The following DLG2 variants were observed in gnomAD, a reference collection of about 807,000 sequenced individuals.
The protein encoded by DLG2 is disks large homolog 2.
In DLG2, 45 loss-of-function variants were observed where a neutral mutation model predicts 132.5. The observed-to-expected ratio is 0.34, with a 90% CI of 0.27 to 0.44. The LOEUF (loss-of-function observed/expected upper bound fraction) is 0.44. Among genes scored for constraint, DLG2 ranks in the 20% least tolerant of loss-of-function variants. The pLI, the probability that DLG2 is intolerant of heterozygous loss-of-function variation, is 1.00. For synonymous variants in DLG2, 424 were observed against 419.6 expected (o/e 1.01, Z -0.13); for missense variants, 1,045 against 1,196.9 (o/e 0.87, Z 1.87).
chr11:83,849,725 TG>T (rs1390206361), intron 16 of DLG2, among the ~76,000 whole-genome samples: 1 of 150,590 alleles, frequency 6.6e-6, no homozygotes, highest in African/African-American at 2.4e-5. Context: ...TTATGTGGTC[TG>T]GAAGTTTTAC....
intron 16 of DLG2, among the ~76,000 whole-genome samples, chr11:83,865,903 G>A (rs1245670356): frequency 6.6e-6 from 1 of 152,078 alleles, no homozygotes; most frequent in Non-Finnish European, 1.5e-5. Flanking sequence ...TCTGTGCTCT[G>A]CTCAGTCATA....
At chr11:84,278,056 T>G (rs2097801895) in intron 7 of DLG2, among the ~76,000 whole-genome samples, 1 of 147,266 alleles carries the variant, frequency 6.8e-6, no homozygotes, top group African/African-American at 2.5e-5. Flanking sequence ...AGTTTTTTTT[T>G]TTTTTTTTTT....
At chr11:83,929,463 C>T (rs576960313) in intron 15 of DLG2, among the ~76,000 whole-genome samples, 19 of 152,318 alleles carry the variant, frequency 1.2e-4, no homozygotes, top group African/African-American at 4.1e-4. Context: ...TTTCCTCTCT[C>T]TCCAACTCAG....
intron 18 of DLG2, among the ~76,000 whole-genome samples, chr11:83,776,872 T>C (rs2094601708): frequency 6.6e-6 from 1 of 152,234 alleles, no homozygotes; most frequent in African/African-American, 2.4e-5. Flanking sequence ...GTCAGAGCTT[T>C]TGTTTGTCTT....
rs139778042 is a variant in DLG2, at chr11:84,971,988, A to G, written c.357+139673T>C. Among the ~76,000 whole-genome samples, 393 of 152,278 alleles carry G rather than the reference A, an allele frequency of 2.6e-3. 1 individual carries two copies. Among genetic ancestry groups the G allele is most frequent in the African/African-American group, 8.9e-3 (369 of 41,560 alleles). On this transcript the variant is annotated intron_variant, in intron 6 of 27. Coordinates refer to ENST00000376104, the MANE Select transcript of DLG2 (RefSeq NM_001142699.3). ...CTGTATAGTAGCTCAGACAAACACT[A>G]AAAATAAACCTATGTTTAAGAGGAA...
chr11:83,866,798 C>G (rs941225495), intron 16 of DLG2, among the ~76,000 whole-genome samples: 6 of 152,106 alleles, frequency 3.9e-5, no homozygotes, highest in African/African-American at 1.4e-4. Context: ...GATTCTGTGG[C>G]AGCCCTACAA....
intron 17 of DLG2, among the ~76,000 whole-genome samples, chr11:83,829,797 G>C (rs1467925710): frequency 6.6e-6 from 1 of 151,752 alleles, no homozygotes; most frequent in Non-Finnish European, 1.5e-5. Flanking sequence ...TGCACAACAT[G>C]CAGGTTTGTT....
intron 6 of DLG2, among the ~76,000 whole-genome samples, chr11:85,107,685 A>G (rs1275389195): frequency 7.9e-5 from 12 of 152,024 alleles, no homozygotes; most frequent in Non-Finnish European, 1.5e-5. Context: ...CATACAAACC[A>G]ATGAGGCATA....
intron 18 of DLG2, among the ~76,000 whole-genome samples, chr11:83,766,555 A>G (rs1267262448): frequency 6.6e-6 from 1 of 152,062 alleles, no homozygotes; most frequent in Non-Finnish European, 1.5e-5. Context: ...TTATATTATC[A>G]GCAATTGAGG....
chr11:84,292,765 T>C (rs774782030), intron 7 of DLG2, among the ~76,000 whole-genome samples: 32 of 152,088 alleles, frequency 2.1e-4, no homozygotes, highest in Non-Finnish European at 1.3e-4. Flanking sequence ...TTCAGAAGAA[T>C]AAAGTACTTC....
At chr11:85,237,024 A>T (rs2075622646) in intron 4 of DLG2, among the ~76,000 whole-genome samples, 1 of 152,116 alleles carries the variant, frequency 6.6e-6, no homozygotes, top group African/African-American at 2.4e-5. Context: ...CAGAGCCCAC[A>T]GAAGCCAAGC....
intron 6 of DLG2, among the ~76,000 whole-genome samples, chr11:84,700,988 C>A (rs1021659378): frequency 4.6e-5 from 7 of 151,384 alleles, no homozygotes; most frequent in African/African-American, 1.7e-4. Context: ...TCTCTGCTTT[C>A]CATTCTGGCT....
intron 21 of DLG2, among the ~76,000 whole-genome samples, chr11:83,485,830 A>G (rs1232815261): frequency 2.0e-5 from 3 of 152,142 alleles, no homozygotes; most frequent in Non-Finnish European, 4.4e-5. Flanking sequence ...ACATTAAAGT[A>G]CTGAAATGTT....
chr11:84,852,550 T>A (rs1416148996), intron 6 of DLG2, among the ~76,000 whole-genome samples: 1 of 151,960 alleles, frequency 6.6e-6, no homozygotes, highest in African/African-American at 2.4e-5. Context: ...CATCTTTGAT[T>A]TAGAGAGTAA....
At chr11:84,715,344 C>T (rs187353058) in intron 6 of DLG2, among the ~76,000 whole-genome samples, 2 of 152,078 alleles carry the variant, frequency 1.3e-5, no homozygotes, top group African/African-American at 4.8e-5. Context: ...TTAACATACC[C>T]ATTATCTGTG....
intron 7 of DLG2, among the ~76,000 whole-genome samples, chr11:84,402,626 T>C: frequency 6.6e-6 from 1 of 151,612 alleles, no homozygotes; most frequent in Non-Finnish European, 1.5e-5. Context: ...CGCCTGTAAT[T>C]TTACCCAGCA....
intron 6 of DLG2, among the ~76,000 whole-genome samples, chr11:84,598,105 T>C (rs2099568023): frequency 2.0e-5 from 3 of 152,184 alleles, no homozygotes; most frequent in Admixed American, 1.3e-4. Context: ...AAGATAAGGT[T>C]TGGGGAGTAC....
intron 6 of DLG2, among the ~76,000 whole-genome samples, chr11:84,991,144 T>C (rs1419090781): frequency 6.6e-6 from 1 of 152,168 alleles, no homozygotes; most frequent in African/African-American, 2.4e-5. Flanking sequence ...ATTGCAAATT[T>C]GAAAAACAAA....
chr11:85,251,446 T>C (rs1202512136), intron 4 of DLG2, among the ~76,000 whole-genome samples: 1 of 152,174 alleles, frequency 6.6e-6, no homozygotes, highest in Admixed American at 6.5e-5. Context: ...CACAGATCTG[T>C]CACAATTACA....
Sources: gnomAD v4.1 joint callset for allele counts (sites outside exome capture counted in the v4.1 genomes callset) on GRCh38, gnomAD v4.1.1 for gene constraint, MANE v1.5 for transcripts, NCBI Gene and HGNC (gene_info 2026-07-23, HGNC 2026-07-21) for gene names.